Variants in SNX29 observed in about 807,000 individuals in gnomAD.
SNX29 encodes sorting nexin-29.
In SNX29, 78 loss-of-function variants were observed where a neutral mutation model predicts 102.1. The observed-to-expected ratio is 0.76, with a 90% confidence interval of 0.64 to 0.92. The LOEUF is 0.92. Among genes scored for constraint, SNX29 ranks in the 40% least tolerant of loss-of-function variants. The pLI is 0.00. For missense variants in SNX29, 1,280 were observed against 1,061.7 expected (o/e 1.21, Z -2.86); for synonymous variants, 580 against 414.5 (o/e 1.40, Z -4.85).
intron 18 of SNX29, among the ~76,000 whole-genome samples, chr16:12,432,376 T>C (rs2085348959): frequency 6.6e-6 from 1 of 152,186 alleles, no homozygotes; most frequent in South Asian, 2.1e-4. Context: ...ACTGTAAATA[T>C]TCATGATGAG....
chr16:12,559,006 G>A (rs970672128), intron 20 of SNX29, among the ~76,000 whole-genome samples: 3 of 152,130 alleles, frequency 2.0e-5, no homozygotes, highest in East Asian at 1.9e-4. Flanking sequence ...CAGTTATGGG[G>A]GAGAGAGACA....
rs560214509 is a variant in SNX29 at position 12,368,324 on chromosome 16, G to A, written c.1899+12045G>A. On this transcript the variant is annotated intron_variant, in intron 16 of 20. Coordinates refer to ENST00000566228, the MANE Select transcript of SNX29 (RefSeq NM_032167.5). ...GTATGCAAGCTTATCTTTAAAGCTGGTCCTATGTTGATGCAAATAGAAAGC... is the reference window on the plus strand; with the variant it reads ...GTATGCAAGCTTATCTTTAAAGCTGATCCTATGTTGATGCAAATAGAAAGC... Among the ~76,000 whole-genome samples the A allele has an allele frequency of 9.3e-4, 142 of 152,296 alleles. 1 individual carries two copies. The highest frequency in any genetic ancestry group is 3.3e-3 in the African/African-American group (136 of 41,554).
chr16:12,224,352 G>A (rs1022691242), intron 14 of SNX29, among the ~76,000 whole-genome samples: 1 of 152,092 alleles, frequency 6.6e-6, no homozygotes, highest in Non-Finnish European at 1.5e-5. Flanking sequence ...TAGAGGGCCT[G>A]CCATAGGCCA....
chr16:12,401,687 G>A (rs1184994570), intron 17 of SNX29, among the ~76,000 whole-genome samples: 1 of 152,084 alleles, frequency 6.6e-6, no homozygotes, highest in South Asian at 2.1e-4. Flanking sequence ...ATTTTATGGA[G>A]ATTTGTCTCT....
At chr16:12,433,335 A>C (rs1366322657) in intron 18 of SNX29, among the ~76,000 whole-genome samples, 1 of 152,122 alleles carries the variant, frequency 6.6e-6, no homozygotes, top group East Asian at 1.9e-4. Context: ...CAGGATCATA[A>C]AACTGTAACG....
At chr16:12,013,533 A>ATATATG (rs1198265161) in intron 3 of SNX29, among the ~76,000 whole-genome samples, 1 of 120,290 alleles carries the variant, frequency 8.3e-6, no homozygotes, top group African/African-American at 3.0e-5. Flanking sequence ...ATATATATAT[A>ATATATG]TATATATATC....
rs900209274 is a variant in SNX29 at position 11,982,921 on chromosome 16, AT to A, written c.7+6116del. Among the ~76,000 whole-genome samples, 3 of 151,702 alleles carry A rather than the reference AT, an allele frequency of 2.0e-5. No individual in the cohort carries two copies. In the East Asian group the frequency reaches 5.8e-4, roughly 29 times the overall value. On this transcript the variant is annotated intron_variant, in intron 1 of 20. Coordinates refer to ENST00000566228, the MANE Select transcript of SNX29 (RefSeq NM_032167.5). The stretch of plus-strand genomic sequence containing the variant: ...TTTTGGCAGCTTTTTATTAAAAAAA[AT>A]TTTTTTTAATTAACGAATATTTTTT...
At chr16:12,138,847 G>A (rs2054759614) in intron 13 of SNX29, among the ~76,000 whole-genome samples, 1 of 152,058 alleles carries the variant, frequency 6.6e-6, no homozygotes, top group Non-Finnish European at 1.5e-5. Flanking sequence ...ATGTAGGTGA[G>A]TAAACTTTTT....
At chr16:12,158,344 C>A (rs983871443) in intron 13 of SNX29, among the ~76,000 whole-genome samples, 1 of 152,048 alleles carries the variant, frequency 6.6e-6, no homozygotes, top group Admixed American at 6.5e-5. Flanking sequence ...GGATTACAGA[C>A]GTGCGCCACC....
At chr16:12,187,331 G>A (rs936495999) in intron 13 of SNX29, among the ~76,000 whole-genome samples, 3 of 152,204 alleles carry the variant, frequency 2.0e-5, no homozygotes, top group South Asian at 2.1e-4. Context: ...AGGCCAAGGC[G>A]GGTAGATCGT....
At chr16:12,534,378 C>A (rs1029822416) in intron 20 of SNX29, among the ~76,000 whole-genome samples, 2 of 152,228 alleles carry the variant, frequency 1.3e-5, no homozygotes, top group African/African-American at 4.8e-5. Context: ...CACACCTTCT[C>A]TGTGGCAGCT....
chr16:12,427,815 A>G (rs1382144034), intron 18 of SNX29, among the ~76,000 whole-genome samples: 1 of 152,218 alleles, frequency 6.6e-6, no homozygotes, highest in Admixed American at 6.5e-5. Context: ...AAATGACCCC[A>G]TGACTGGGAA....
chr16:12,401,210 C>G (rs117411266), intron 17 of SNX29, among the ~76,000 whole-genome samples: 1 of 152,026 alleles, frequency 6.6e-6, no homozygotes, highest in Non-Finnish European at 1.5e-5. Context: ...ACATGAGAAA[C>G]CAATTAGATT....
chr16:12,329,876 T>C (rs996767167), intron 15 of SNX29, among the ~76,000 whole-genome samples: 3 of 152,182 alleles, frequency 2.0e-5, no homozygotes, highest in Non-Finnish European at 2.9e-5. Flanking sequence ...GCTGTTTTTT[T>C]CTGAAGGGAC....
intron 13 of SNX29, among the ~76,000 whole-genome samples, chr16:12,188,439 A>T (rs2076565445): frequency 6.6e-6 from 1 of 152,222 alleles, no homozygotes; most frequent in Non-Finnish European, 1.5e-5. Context: ...TCTTGGTGCC[A>T]GAGGAGTAGC....
At chr16:12,177,733 T>G (rs2141811554) in intron 13 of SNX29, among the ~76,000 whole-genome samples, 1 of 152,350 alleles carries the variant, frequency 6.6e-6, no homozygotes, top group African/African-American at 2.4e-5. Context: ...TTAAAATGAG[T>G]GAATGAATTC....
At chr16:12,127,345 A>G (rs1297717454) in intron 12 of SNX29, among the ~76,000 whole-genome samples, 2 of 151,946 alleles carry the variant, frequency 1.3e-5, no homozygotes, top group African/African-American at 4.8e-5. Context: ...TAACATCAAC[A>G]CAGTCAATTT....
chr16:12,114,345 G>A (rs1021977874), intron 11 of SNX29, among the ~76,000 whole-genome samples: 1 of 152,208 alleles, frequency 6.6e-6, no homozygotes, highest in African/African-American at 2.4e-5. Context: ...GTGCAGAGAA[G>A]CACACGTCCA....
chr16:12,547,340 G>A (rs1195716645), intron 20 of SNX29, among the ~76,000 whole-genome samples: 2 of 152,218 alleles, frequency 1.3e-5, no homozygotes, highest in Non-Finnish European at 2.9e-5. Context: ...TTGCAGCCAA[G>A]GGAACTCTAG....
Sources: gnomAD v4.1 joint callset for allele counts (sites outside exome capture counted in the v4.1 genomes callset) on GRCh38, gnomAD v4.1.1 for gene constraint, MANE v1.5 for transcripts, NCBI Gene and HGNC (gene_info 2026-07-23, HGNC 2026-07-21) for gene names.